Variants in SCNN1B observed in about 807,000 individuals in gnomAD.
SCNN1B encodes the protein epithelial sodium channel subunit beta.
In SCNN1B, 46 loss-of-function variants were observed where a neutral mutation model predicts 65.3. The ratio of observed to expected loss-of-function variants is 0.70; its 90% CI spans 0.56 to 0.90. The LOEUF (loss-of-function observed/expected upper bound fraction) is 0.90, where lower values mean the gene tolerates loss of function less well. Among genes scored for constraint, SCNN1B ranks in the 40% least tolerant of loss-of-function variants. SCNN1B has a pLI of 0.00. For missense variants in SCNN1B, 751 were observed against 830.5 expected (o/e 0.90, Z 1.18); for synonymous variants, 349 against 330.6 (o/e 1.06, Z -0.60).
intron 1 of SCNN1B, among the ~76,000 whole-genome samples, chr16:23,332,257 G>A (rs1961828457): frequency 6.6e-6 from 1 of 151,426 alleles, no homozygotes; most frequent in Non-Finnish European, 1.5e-5. Flanking sequence ...GTGCAGTGGT[G>A]TGATCTCGAC....
chr16:23,318,705 T>G (rs2141992256), intron 1 of SCNN1B, among the ~76,000 whole-genome samples: 1 of 152,302 alleles, frequency 6.6e-6, no homozygotes, highest in South Asian at 2.1e-4. Flanking sequence ...GGAGATGAGA[T>G]CATGTGAGTA....
chr16:23,313,569 C>A (rs1368432889), intron 1 of SCNN1B, among the ~76,000 whole-genome samples: 1 of 152,170 alleles, frequency 6.6e-6, no homozygotes, highest in Non-Finnish European at 1.5e-5. Flanking sequence ...ATGGCTCTCT[C>A]CCCTACAGTA....
At position 23,355,489 on chromosome 16, in the gene SCNN1B, G is replaced by A. The variant is rs369198235; in HGVS notation, c.776G>A (p.Arg259Gln). Residue 259 changes from arginine to glutamine, a missense_variant and splice_region_variant, in exon 4 of 13, where the codon CGG becomes CAG. Transcript: ENST00000343070. ...TTCGGAGCTGAGCCCTGCAACTACC[G>A]GTGAGAGCCACCCCAAGCCCACCCG... ...CLFGAEPCNY[R>Q]NFTSIFYPHY... is the part of the protein sequence containing the mutation. 2.4e-5 allele frequency: 38 copies of A among 1,613,820 alleles called. No individual in the cohort carries two copies. Among genetic ancestry groups the A allele is most frequent in the South Asian group, 1.2e-4 (11 of 91,070 alleles).
chr16:23,349,193 T>A (rs1403244849), intron 2 of SCNN1B, among the ~76,000 whole-genome samples: 1 of 152,128 alleles, frequency 6.6e-6, no homozygotes, highest in Non-Finnish European at 1.5e-5. Flanking sequence ...TCAAACTTCA[T>A]AAACTTTTGG....
chr16:23,307,902 G>C (rs574337130), intron 1 of SCNN1B, among the ~76,000 whole-genome samples: 1 of 152,024 alleles, frequency 6.6e-6, no homozygotes, highest in African/African-American at 2.4e-5. Context: ...AAAATTAGCC[G>C]GGTGTAGTGG....
chr16:23,362,387 C>A (rs911553411), intron 4 of SCNN1B, among the ~76,000 whole-genome samples: 4 of 151,876 alleles, frequency 2.6e-5, no homozygotes, highest in African/African-American at 7.3e-5. Flanking sequence ...AAGATCTGGG[C>A]ATATATAAGC....
At position 23,380,813 on chromosome 16, in the gene SCNN1B, C is replaced by A; in HGVS notation, c.*12C>A. On this transcript the variant is annotated 3_prime_UTR_variant, in exon 13 of 13. Coordinates refer to ENST00000343070, the MANE Select transcript of SCNN1B (RefSeq NM_000336.3). This position sits in a 1 kb window ranked among gnomAD's most constrained non-coding sequence, Gnocchi z 5.4. ...GTGATGCCATCTAACCCTGCCCCTG[C>A]CCACCCCGGGCGGCTGAAACTCACT... 6.2e-7 allele frequency: 1 copy of A among 1,611,732 alleles called. No individual in the cohort carries two copies. The highest frequency in any genetic ancestry group is 8.5e-7 in the Non-Finnish European group (1 of 1,179,876).
chr16:23,330,722 G>A (rs565956096), intron 1 of SCNN1B, among the ~76,000 whole-genome samples: 2 of 152,090 alleles, frequency 1.3e-5, no homozygotes, highest in South Asian at 4.1e-4. Context: ...AGAGTCATGT[G>A]CCACCACACC....
intron 1 of SCNN1B, among the ~76,000 whole-genome samples, chr16:23,325,910 T>TAAATAAAG (rs1961685890): frequency 1.6e-5 from 2 of 127,214 alleles, no homozygotes; most frequent in Admixed American, 1.5e-4. Context: ...AATAAATAAA[T>TAAATAAAG]AAATAAATAA....
At position 23,375,938 on chromosome 16, in the gene SCNN1B, T is replaced by C. The variant is rs549780574; in HGVS notation, c.1270+83T>C. The C allele has an allele frequency of 3.0e-6, 3 of 985,510 alleles. No individual in the cohort carries two copies. The South Asian group carries it at 3.9e-5, about 13-fold the overall frequency. The allele number at this position is 985,510 out of a possible 1,614,324, so 61.0% of individuals were successfully genotyped here. ...CCATAGAGGAGGAGGCAGAGCTCAG[T>C]GCCCTCAGCAGAGTCCAGAGATGTG... On this transcript the variant is annotated intron_variant, in intron 8 of 12. Coordinates refer to ENST00000343070, the MANE Select transcript of SCNN1B (RefSeq NM_000336.3).
chr16:23,281,517 A>G (rs1960784115), intron 1 of SCNN1B, among the ~76,000 whole-genome samples: 2 of 152,238 alleles, frequency 1.3e-5, no homozygotes, highest in African/African-American at 4.8e-5. Context: ...CTGTGTGTCC[A>G]TGGAGGCACA....
chr16:23,301,091 T>C (rs568337368), upstream of SCNN1B, among the ~76,000 whole-genome samples: 48 of 151,884 alleles, frequency 3.2e-4, no homozygotes, highest in South Asian at 1.2e-3. Flanking sequence ...TGGCTGGGCA[T>C]GGTGGCTCAC....
At chr16:23,351,875 C>T (rs373407213) in intron 2 of SCNN1B, among the ~76,000 whole-genome samples, 66 of 152,278 alleles carry the variant, frequency 4.3e-4, no homozygotes, top group African/African-American at 1.6e-3. Context: ...TTGCTCCCCC[C>T]TGGGAGGGAG....
chr16:23,326,129 G>A (rs1462079967), intron 1 of SCNN1B, among the ~76,000 whole-genome samples: 1 of 148,666 alleles, frequency 6.7e-6, no homozygotes, highest in Non-Finnish European at 1.5e-5. Flanking sequence ...TTTTAAGTCT[G>A]TATTTCCTGC....
chr16:23,321,684 G>T (rs1162791211), intron 1 of SCNN1B, among the ~76,000 whole-genome samples: 1 of 152,148 alleles, frequency 6.6e-6, no homozygotes, highest in African/African-American at 2.4e-5. Context: ...GACAGTTCCT[G>T]GCACGTTAGG....
At chr16:23,304,229 T>C (rs1596817023) in intron 1 of SCNN1B, 2 of 715,578 alleles carry the variant, frequency 2.8e-6, no homozygotes, top group East Asian at 5.4e-5. Flanking sequence ...TTTCCACTGC[T>C]CACATACGGA....
chr16:23,294,102 G>A (rs890600645), intron 2 of SCNN1B, among the ~76,000 whole-genome samples: 3 of 152,136 alleles, frequency 2.0e-5, no homozygotes, highest in Admixed American at 6.6e-5. Flanking sequence ...GATCATGACT[G>A]TAATCCCAGC....
intron 1 of SCNN1B, among the ~76,000 whole-genome samples, chr16:23,326,527 T>C (rs1961700772): frequency 6.6e-6 from 1 of 151,804 alleles, no homozygotes. Flanking sequence ...TGCTGTGGTG[T>C]GATTTCGGCT....
intron 2 of SCNN1B, among the ~76,000 whole-genome samples, chr16:23,293,235 A>G (rs1207154933): frequency 6.6e-6 from 1 of 151,876 alleles, no homozygotes; most frequent in Non-Finnish European, 1.5e-5. Flanking sequence ...AGCATTATTC[A>G]CAGTCGCCAA....
Sources: gnomAD v4.1 joint callset for allele counts (sites outside exome capture counted in the v4.1 genomes callset) on GRCh38, gnomAD v4.1.1 for gene constraint, Gnocchi (gnomAD v3.1) non-coding constraint, MANE v1.5 for transcripts, NCBI Gene and HGNC (gene_info 2026-07-23, HGNC 2026-07-21) for gene names.